Variants in PPP3CA observed in about 807,000 individuals in gnomAD.
PPP3CA encodes the protein CAM-PRP catalytic subunit.
In PPP3CA, 14 loss-of-function variants were observed where a neutral mutation model predicts 66.5. The observed-to-expected ratio is 0.21, with a 90% confidence interval of 0.14 to 0.33. The LOEUF (loss-of-function observed/expected upper bound fraction) is 0.33. Among genes scored for constraint, PPP3CA ranks in the 10% least tolerant of loss-of-function variants. PPP3CA has a pLI of 1.00. For synonymous variants in PPP3CA, 232 were observed against 226.2 expected (o/e 1.03, Z -0.23); for missense variants, 317 against 639.5 (o/e 0.50, Z 5.44).
intron 2 of PPP3CA, among the ~76,000 whole-genome samples, chr4:101,136,299 G>C (rs1240939894): frequency 1.3e-5 from 2 of 152,108 alleles, no homozygotes; most frequent in South Asian, 2.1e-4. Flanking sequence ...CCAGCAATTT[G>C]GGAGGCTGAG....
chr4:101,026,156 G>T, intron 13 of PPP3CA, 95 bp from the exon 14 acceptor site: 1 of 1,050,934 alleles, frequency 9.5e-7, no homozygotes. Context: ...AGATTTCTCA[G>T]TGAGAGGGAA....
At chr4:101,214,346 T>C (rs1372253807) in intron 1 of PPP3CA, among the ~76,000 whole-genome samples, 1 of 152,052 alleles carries the variant, frequency 6.6e-6, no homozygotes, top group Non-Finnish European at 1.5e-5. Context: ...GGATTAATAA[T>C]AATAATAATA....
rs1729731609 is a variant in PPP3CA at position 101,087,696 on chromosome 4, TTTA to T, written c.783-4436_783-4434del. On this transcript the variant is annotated intron_variant, in intron 6 of 13. Coordinates refer to ENST00000394854, the MANE Select transcript of PPP3CA (RefSeq NM_000944.5). ...ATTTAGTTGTATAAATATATTAGAATTTATTATTCATTCTACTAAATGGATATC... is the reference window on the plus strand; with the variant it reads ...ATTTAGTTGTATAAATATATTAGAATTTATTCATTCTACTAAATGGATATC... Among the ~76,000 whole-genome samples, 3 of 152,278 alleles carry T rather than the reference TTTA, an allele frequency of 2.0e-5. No homozygotes were observed. In the South Asian group the frequency reaches 6.2e-4, roughly 32 times the overall value.
At chr4:101,237,177 A>T (rs994628688) in intron 1 of PPP3CA, among the ~76,000 whole-genome samples, 1 of 147,888 alleles carries the variant, frequency 6.8e-6, no homozygotes, top group Non-Finnish European at 1.5e-5. Flanking sequence ...TCTATTATTT[A>T]GAAAATACAA....
chr4:101,176,205 T>C (rs1288770231), intron 2 of PPP3CA, among the ~76,000 whole-genome samples: 2 of 152,178 alleles, frequency 1.3e-5, no homozygotes, highest in Non-Finnish European at 2.9e-5. Flanking sequence ...AGGTCAGTTA[T>C]TATGTGATCT....
chr4:101,064,680 T>C (rs1560584449), intron 8 of PPP3CA, among the ~76,000 whole-genome samples: 1 of 152,092 alleles, frequency 6.6e-6, no homozygotes, highest in Non-Finnish European at 1.5e-5. Context: ...CCCTCTTTAA[T>C]ATGACATGGC....
intron 10 of PPP3CA, among the ~76,000 whole-genome samples, chr4:101,041,410 C>T (rs1440640808): frequency 2.1e-5 from 3 of 145,932 alleles, no homozygotes; most frequent in East Asian, 4.0e-4. Context: ...AAGTATAAAA[C>T]AGAAAAAATA....
intron 1 of PPP3CA, among the ~76,000 whole-genome samples, chr4:101,198,465 T>C (rs929288279): frequency 6.6e-6 from 1 of 152,150 alleles, no homozygotes; most frequent in African/African-American, 2.4e-5. Flanking sequence ...AAAAATGATT[T>C]TCCAAGGTGT....
chr4:101,087,496 C>G (rs1251507555), intron 6 of PPP3CA, among the ~76,000 whole-genome samples: 1 of 152,080 alleles, frequency 6.6e-6, no homozygotes, highest in African/African-American at 2.4e-5. Flanking sequence ...CTATGGGTAA[C>G]CAGTATCCTG....
intron 5 of PPP3CA, among the ~76,000 whole-genome samples, chr4:101,095,199 A>G (rs779343566): frequency 6.6e-6 from 1 of 152,194 alleles, no homozygotes; most frequent in Non-Finnish European, 1.5e-5. Context: ...CTCTTGGAAC[A>G]ATACATTCAA....
At chr4:101,228,066 A>T (rs1230660268) in intron 1 of PPP3CA, among the ~76,000 whole-genome samples, 1 of 151,738 alleles carries the variant, frequency 6.6e-6, no homozygotes, top group Non-Finnish European at 1.5e-5. Context: ...AAGATGGAAT[A>T]AAGTTAAGTT....
At chr4:101,208,231 TCA>T (rs3840151) in intron 1 of PPP3CA, among the ~76,000 whole-genome samples, 151 of 151,376 alleles carry the variant, frequency 1.0e-3, no homozygotes, top group Non-Finnish European at 1.7e-3. Context: ...TGAAAAGTAA[TCA>T]CACACACACA....
chr4:101,347,007 C>G lies in PPP3CA; in HGVS notation c.-211G>C. On this transcript the variant is annotated 5_prime_UTR_variant, in exon 1 of 14. Transcript: ENST00000394854. The stretch of plus-strand genomic sequence containing the variant: ...GCCGCCGCCGCCTTCACTCCTCCTC[C>G]GCCGCTGCCGCCAGCCCCGCCGACT... 1 of 603,364 alleles carries G rather than the reference C, an allele frequency of 1.7e-6. No individual in the cohort carries two copies. Among genetic ancestry groups the G allele is most frequent in the Non-Finnish European group, 2.9e-6 (1 of 346,116 alleles). The allele number at this position is 603,364 out of a possible 1,614,324, so 37.4% of individuals were successfully genotyped here. A position where few individuals can be genotyped will look rare whatever the true frequency, so the allele number is the denominator to read the frequency against.
At position 101,164,964 on chromosome 4, in the gene PPP3CA, T is replaced by A. The variant is rs116728490; in HGVS notation, c.259+30952A>T. Among the ~76,000 whole-genome samples the A allele has an allele frequency of 9.6e-3, 1,462 of 152,230 alleles. 19 individuals are homozygous for A. The highest frequency in any genetic ancestry group is 0.03 in the African/African-American group (1,235 of 41,538). On this transcript the variant is annotated intron_variant, in intron 2 of 13. Coordinates refer to ENST00000394854, the MANE Select transcript of PPP3CA (RefSeq NM_000944.5). ...ATAATTTTTAAATTTCTTTCATCATTTTACTATAATCTAGTGATTAGCACT... is the reference window on the plus strand; with the variant it reads ...ATAATTTTTAAATTTCTTTCATCATATTACTATAATCTAGTGATTAGCACT...
chr4:101,158,540 TATC>T (rs1253580490), intron 2 of PPP3CA, among the ~76,000 whole-genome samples: 1 of 152,234 alleles, frequency 6.6e-6, no homozygotes, highest in Non-Finnish European at 1.5e-5. Flanking sequence ...TGGGCCTCGG[TATC>T]ATATTATAAT....
intron 1 of PPP3CA, among the ~76,000 whole-genome samples, chr4:101,279,494 C>A (rs866596680): frequency 1.3e-5 from 2 of 152,100 alleles, no homozygotes; most frequent in Non-Finnish European, 2.9e-5. Flanking sequence ...TTAGAATTTC[C>A]GTTAGTAAAG....
intron 2 of PPP3CA, among the ~76,000 whole-genome samples, chr4:101,126,934 C>T (rs1044398565): frequency 7.9e-5 from 12 of 152,144 alleles, no homozygotes; most frequent in Non-Finnish European, 1.6e-4. Flanking sequence ...TAAGGAAAGA[C>T]ATTTCCAAAA....
At chr4:101,196,145 T>G (rs1020709275) in intron 1 of PPP3CA, 29 bp from the exon 2 acceptor site, 2 of 1,601,888 alleles carry the variant, frequency 1.2e-6, no homozygotes, top group African/African-American at 1.3e-5. Context: ...AATTATTACA[T>G]TAGCCAAAAC....
chr4:101,042,173 CTTT>C (rs558866853), intron 10 of PPP3CA, among the ~76,000 whole-genome samples: 8 of 91,146 alleles, frequency 8.8e-5, no homozygotes, highest in East Asian at 3.0e-4. Context: ...AAGGTCTTTG[CTTT>C]TTTTTTTTTT....
Sources: allele counts gnomAD v4.1 joint callset (sites outside exome capture counted in the v4.1 genomes callset), GRCh38; gene constraint gnomAD v4.1.1; transcripts MANE v1.5; gene names NCBI Gene and HGNC (gene_info 2026-07-23, HGNC 2026-07-21).